USP6NL: variants seen among roughly 807,000 people sequenced by gnomAD.
USP6NL encodes USP6 N-terminal-like protein.
USP6NL carries 26 observed loss-of-function variants against 61.9 expected under a neutral mutation model. That is an observed-to-expected ratio of 0.42 (90% CI 0.31 to 0.58). The LOEUF is 0.58. Ranked by LOEUF, USP6NL falls within the 20% of genes least tolerant of loss-of-function variation. The probability of loss-of-function intolerance (pLI) is 0.16; values close to 1 mark genes in which losing one functional copy is unlikely to be tolerated. For synonymous variants in USP6NL, 432 were observed against 390.1 expected, an observed-to-expected ratio of 1.11 and a Z score of -1.27; for missense variants, 1,114 against 1,034.3, an observed-to-expected ratio of 1.08 and a Z score of -1.06.
intron 2 of USP6NL, among the ~76,000 whole-genome samples, chr10:11,579,170 C>T (rs1837655902): frequency 6.6e-6 from 1 of 152,268 alleles, no homozygotes; most frequent in Non-Finnish European, 1.5e-5. Context: ...CACTCATAAC[C>T]AAGAAGAATG....
Position 11,474,159 on chromosome 10 carries a change from G to GAGA in USP6NL, c.1078+7610_1078+7611insTCT, listed in dbSNP as rs1446091585. On this transcript the variant is annotated intron_variant, in intron 14 of 14. Transcript: ENST00000609104. The surrounding 1 kb of genome is among the most constrained non-coding windows in gnomAD (Gnocchi z 4.9). ...GGCAAAGTTTAAGAGAATCAAAGGT[G>GAGA]ATTAATTCTGTAGTTTTTTGCATTA... is the stretch of plus-strand genomic sequence containing the variant. 6.6e-6 allele frequency among the ~76,000 whole-genome samples: 1 copy of GAGA among 152,172 alleles called. No individual in the cohort carries two copies. The highest frequency in any genetic ancestry group is 6.5e-5 in the Admixed American group (1 of 15,292).
chr10:11,547,542 CTTT>C (rs11409797), intron 2 of USP6NL, among the ~76,000 whole-genome samples: 2 of 137,972 alleles, frequency 1.4e-5, no homozygotes. Flanking sequence ...CATTTTAAAA[CTTT>C]TTTTTTTTTT....
chr10:11,542,809 AC>A (rs775360740), intron 2 of USP6NL, among the ~76,000 whole-genome samples: 1 of 151,830 alleles, frequency 6.6e-6, no homozygotes, highest in African/African-American at 2.4e-5. Context: ...AAAGTCAGAG[AC>A]CCCCAGCAAC....
Position 11,481,692 on chromosome 10 carries a change from G to C in USP6NL, c.1078+78C>G, listed in dbSNP as rs1833205646. ...AGTATAATGCTTACGCTGTGGGCAA[G>C]AAACAGCCCATGTTAATTATGCCAT... On this transcript the variant is annotated intron_variant, in intron 14 of 14. Coordinates refer to ENST00000609104, the MANE Select transcript of USP6NL (RefSeq NM_014688.5). This position sits in a 1 kb window ranked among gnomAD's most constrained non-coding sequence, Gnocchi z 4.4. 4.2e-6 allele frequency: 6 copies of C among 1,441,486 alleles called. No individual in the cohort carries two copies. Among genetic ancestry groups the C allele is most frequent in the Non-Finnish European group, 5.6e-6 (6 of 1,080,070 alleles). 89.3% of individuals were successfully genotyped at this position (1,441,486 alleles called of 1,614,324 possible). A position where few individuals can be genotyped will look rare whatever the true frequency, so the allele number is the denominator to read the frequency against.
intron 14 of USP6NL, among the ~76,000 whole-genome samples, chr10:11,472,874 A>G (rs1165346679): frequency 3.3e-5 from 5 of 152,230 alleles, no homozygotes; most frequent in Non-Finnish European, 7.3e-5. Flanking sequence ...ACTATTATGT[A>G]AACACATCTC....
In USP6NL at chr10:11,462,544, T is replaced by C; in HGVS notation, c.2384A>G (p.Glu795Gly). 3.7e-6 allele frequency: 6 copies of C among 1,614,024 alleles called. No homozygotes were observed. Among genetic ancestry groups the C allele is most frequent in the Non-Finnish European group, 5.1e-6 (6 of 1,179,906 alleles). The change falls in exon 15 of 15, where the codon GAA (glutamate) becomes GGA (glycine). Residue 795 changes from glutamate to glycine, a missense_variant. Transcript: ENST00000609104. ...TGGATATCCAGATGGACTGGCATCT[T>C]CTGCGGCCGGTGAAGCTTTATATCT... The part of the protein sequence containing the change: ...PVRYKASPAA[E>G]DASPSGYPYS...
Position 11,489,175 on chromosome 10 carries a change from G to A in USP6NL, c.591C>T (p.Leu197=). The stretch of plus-strand genomic sequence containing the variant: ...AGGCATCTTCCTCGTTCATATACAT[G>A]AGGAGTAAAGCTGTGATCTGGCTCA... The part of the protein sequence containing the change: ...QGMSQITALL[L]MYMNEEDAFW... Residue 197 remains leucine (L), a synonymous_variant, in exon 10 of 15, where the codon CTC becomes CTT. Coordinates refer to ENST00000609104, the MANE Select transcript of USP6NL (RefSeq NM_014688.5). The surrounding 1 kb of genome is among the most constrained non-coding windows in gnomAD (Gnocchi z 5.7). 2 of 1,613,964 alleles carry A rather than the reference G, an allele frequency of 1.2e-6. No homozygotes were observed. Among genetic ancestry groups the A allele is most frequent in the Non-Finnish European group, 1.7e-6 (2 of 1,179,852 alleles).
At position 11,465,389 on chromosome 10, in the gene USP6NL, A is replaced by G. The variant is rs1832406883; in HGVS notation, c.1079-1540T>C. On this transcript the variant is annotated intron_variant, in intron 14 of 14. Transcript: ENST00000609104. The surrounding 1 kb of genome is among the most constrained non-coding windows in gnomAD (Gnocchi z 4.5). ...GTGGTGAATGCATGCCTGAAGATGCACTGTCACAGGGGCAAAACTGGATTC... is the reference window on the plus strand; with the variant it reads ...GTGGTGAATGCATGCCTGAAGATGCGCTGTCACAGGGGCAAAACTGGATTC... Among the ~76,000 whole-genome samples, 1 of 152,230 alleles carries G rather than the reference A, an allele frequency of 6.6e-6. No homozygotes were observed. Among genetic ancestry groups the G allele is most frequent in the Non-Finnish European group, 1.5e-5 (1 of 68,040 alleles).
chr10:11,508,669 C>T (rs1385058580), intron 6 of USP6NL, among the ~76,000 whole-genome samples: 7 of 152,202 alleles, frequency 4.6e-5, no homozygotes, highest in Non-Finnish European at 7.4e-5. Flanking sequence ...TGACAGAGGT[C>T]TTATTAACGT....
chr10:11,579,521 T>C (rs1042475210), intron 2 of USP6NL, among the ~76,000 whole-genome samples: 1 of 152,206 alleles, frequency 6.6e-6, no homozygotes, highest in African/African-American at 2.4e-5. Context: ...ATTGCCTTTG[T>C]ATATTCCATG....
At position 11,490,808 on chromosome 10, in the gene USP6NL, T is replaced by C. The variant is rs882205; in HGVS notation, c.543+24A>G. The C allele has an allele frequency of 0.051, 79,282 of 1,550,122 alleles. 2,824 individuals are homozygous for C. The highest frequency in any genetic ancestry group is 0.14 in the Admixed American group (7,242 of 49,968). ...TACCTCAGAATACAACTCAAAGACC[T>C]TGGGCAGGCAGGCCCCAACTTACCG... On this transcript the variant is annotated intron_variant, in intron 9 of 14. Transcript: ENST00000609104. The surrounding 1 kb of genome is among the most constrained non-coding windows in gnomAD (Gnocchi z 4.5).
rs898447677 is a variant in USP6NL at position 11,611,402 on chromosome 10, C to A, written c.-84+41G>T. ...GGGAGGACGCCCGCGGAGCCCGCCG[C>A]CGCCGGCCCCTCACGGCGGGAGCTG... On this transcript the variant is annotated intron_variant, in intron 1 of 14. Coordinates refer to ENST00000609104, the MANE Select transcript of USP6NL (RefSeq NM_014688.5). The surrounding 1 kb of genome is among the most constrained non-coding windows in gnomAD (Gnocchi z 5.3). 1 of 152,480 alleles carries A rather than the reference C, an allele frequency of 6.6e-6. No homozygotes were observed. The highest frequency in any genetic ancestry group is 6.6e-5 in the Admixed American group (1 of 15,260). 9.4% of individuals were successfully genotyped at this position (152,480 alleles called of 1,614,324 possible).
rs1242293214 is a variant in USP6NL, at chr10:11,481,414, A to G, written c.1078+356T>C. Among the ~76,000 whole-genome samples, 2 of 152,104 alleles carry G rather than the reference A, an allele frequency of 1.3e-5. No homozygotes were observed. The highest frequency in any genetic ancestry group is 2.4e-5 in the African/African-American group (1 of 41,418). On this transcript the variant is annotated intron_variant, in intron 14 of 14. Transcript: ENST00000609104. This position sits in a 1 kb window ranked among gnomAD's most constrained non-coding sequence, Gnocchi z 4.4. ...TGTACTTACTATTGCTGTACTTACT[A>G]TTGTATACGGTTTCACAAAATGAGA...
At chr10:11,610,949 G>A (rs915224345) in intron 1 of USP6NL, among the ~76,000 whole-genome samples, 4 of 152,108 alleles carry the variant, frequency 2.6e-5, no homozygotes, top group Non-Finnish European at 5.9e-5. Flanking sequence ...ACTTTGCAAA[G>A]GCGCACGGAT....
In USP6NL at chr10:11,553,793, G is replaced by C. The variant is rs1273976560; in HGVS notation, c.5-26226C>G. The stretch of plus-strand genomic sequence containing the variant: ...CGCCTGTAATCCCAACTACTCGCGA[G>C]GCTCAGGCAAGAGAACTGCTTGAAC... On this transcript the variant is annotated intron_variant, in intron 2 of 14. Coordinates refer to ENST00000609104, the MANE Select transcript of USP6NL (RefSeq NM_014688.5). The surrounding 1 kb of genome is among the most constrained non-coding windows in gnomAD (Gnocchi z 4.8). Among the ~76,000 whole-genome samples, 1 of 151,796 alleles carries C rather than the reference G, an allele frequency of 6.6e-6. No homozygotes were observed. The highest frequency in any genetic ancestry group is 6.6e-5 in the Admixed American group (1 of 15,252).
rs965895755 is a variant in USP6NL, at chr10:11,474,327, T to A, written c.1078+7443A>T. On this transcript the variant is annotated intron_variant, in intron 14 of 14. Coordinates refer to ENST00000609104, the MANE Select transcript of USP6NL (RefSeq NM_014688.5). This position sits in a 1 kb window ranked among gnomAD's most constrained non-coding sequence, Gnocchi z 4.9. The stretch of plus-strand genomic sequence containing the variant: ...CTTTAGATTTTAAACTTATAAAGAG[T>A]ATACTGAAACAAAAGACTTAAGGTT... 6.6e-6 allele frequency among the ~76,000 whole-genome samples: 1 copy of A among 152,184 alleles called. No individual in the cohort carries two copies.
At chr10:11,570,670 A>T (rs1837321485) in intron 2 of USP6NL, among the ~76,000 whole-genome samples, 1 of 152,218 alleles carries the variant, frequency 6.6e-6, no homozygotes. Context: ...TTTAAAGGAG[A>T]AAAGCAGGAT....
At position 11,589,519 on chromosome 10, in the gene USP6NL, T is replaced by C. The variant is rs1368624382; in HGVS notation, c.4+8112A>G. On this transcript the variant is annotated intron_variant, in intron 2 of 14. Coordinates refer to ENST00000609104, the MANE Select transcript of USP6NL (RefSeq NM_014688.5). The surrounding 1 kb of genome is among the most constrained non-coding windows in gnomAD (Gnocchi z 4.7). ...ATAATTTACATAAAAACTTAATACATATATACATGTTAGCTTTTACAAATT... is the reference window on the plus strand; with the variant it reads ...ATAATTTACATAAAAACTTAATACACATATACATGTTAGCTTTTACAAATT... 2.6e-5 allele frequency among the ~76,000 whole-genome samples: 4 copies of C among 152,198 alleles called. No homozygotes were observed. The highest frequency in any genetic ancestry group is 5.9e-5 in the Non-Finnish European group (4 of 68,044).
At chr10:11,608,993 G>C (rs1412392641) in intron 1 of USP6NL, among the ~76,000 whole-genome samples, 1 of 152,198 alleles carries the variant, frequency 6.6e-6, no homozygotes, top group Non-Finnish European at 1.5e-5. Context: ...GGAGTCATCT[G>C]TTCAAGGGAA....
Sources: allele counts gnomAD v4.1 joint callset (sites outside exome capture counted in the v4.1 genomes callset), GRCh38; gene constraint gnomAD v4.1.1; non-coding constraint Gnocchi (gnomAD v3.1); transcripts MANE v1.5; gene names NCBI Gene and HGNC (gene_info 2026-07-23, HGNC 2026-07-21).